The following HELZ2 variants were observed in gnomAD, a reference collection of about 807,000 sequenced individuals.
The protein encoded by HELZ2 is 3'-5' exoribonuclease HELZ2.
HELZ2 carries 143 observed loss-of-function variants against 208.8 expected under a neutral mutation model. The observed-to-expected ratio is 0.68, with a 90% CI of 0.60 to 0.79. HELZ2 has a LOEUF of 0.79. HELZ2 is among the 30% of genes least tolerant of loss of function. The pLI, the probability that HELZ2 is intolerant of heterozygous loss-of-function variation, is 0.00. For synonymous variants in HELZ2, 1,705 were observed against 1,693.7 expected, an observed-to-expected ratio of 1.01 and a Z score of -0.16; for missense variants, 3,690 against 3,794.5, an observed-to-expected ratio of 0.97 and a Z score of 0.72.
chr20:63,565,243 G>A (rs986490515), exon 8 of HELZ2: 8 of 1,607,410 alleles, frequency 5.0e-6, no homozygotes, highest in Non-Finnish European at 5.1e-6. Context: ...TCTTCAGCAC[G>A]CCCAGCACGC....
chr20:63,572,283 G>T, exon 1 of HELZ2: 1 of 1,586,680 alleles, frequency 6.3e-7, no homozygotes, highest in Non-Finnish European at 8.6e-7. Context: ...GCCCCAGGGG[G>T]CTGGCCAAGG....
At chr20:63,559,198 C>G (rs548551478), downstream of HELZ2, 1 of 1,472,608 alleles carries the variant, frequency 6.8e-7, no homozygotes, top group Non-Finnish European at 9.1e-7. Flanking sequence ...TGGGGGGGCC[C>G]TGGACTTTCC....
rs974282059 is a variant in HELZ2 at position 63,568,985 on chromosome 20, C to T, written c.1103G>A (p.Gly368Asp). 12 of 1,602,006 alleles carry T rather than the reference C, an allele frequency of 7.5e-6. No individual in the cohort carries two copies. The African/African-American group carries it at 1.6e-4, about 21-fold the overall frequency. ...CAATGCCGTCTTCAGGAACACCTGG[C>T]CCCGCAGGGTCAGCCTGGCAGGATG... is the stretch of plus-strand genomic sequence containing the variant. Residue 368 changes from glycine (G) to aspartate (D), a missense_variant, in exon 5 of 19, where the codon GGC becomes GAC. Around this residue, in one of 3 missense-constraint regions of HELZ2, gnomAD observed 1,119 missense variants for 1,193.4 expected, o/e 0.94. Coordinates refer to ENST00000467148, the Ensembl canonical transcript of HELZ2.
In HELZ2 at chr20:63,564,613, T is replaced by A. The variant is rs1490033656; in HGVS notation, c.4209A>T (p.Pro1403=). The change falls in exon 8 of 19, where the codon CCA becomes CCT. Residue 1403 remains proline (P), a synonymous_variant. Coordinates refer to ENST00000467148, the Ensembl canonical transcript of HELZ2. ...AGAGGCTGGCCGGCAGCATGGGCAC[T>A]GGCTCCCTGCCGGGGGCATAGAACG... is the stretch of plus-strand genomic sequence containing the variant. 3 of 1,568,676 alleles carry A rather than the reference T, an allele frequency of 1.9e-6. 1 individual carries two copies. In the South Asian group the frequency reaches 3.5e-5, roughly 18 times the overall value.
exon 8 of HELZ2, chr20:63,565,463 T>G: frequency 6.2e-7 from 1 of 1,608,598 alleles, no homozygotes; most frequent in Non-Finnish European, 8.5e-7. Flanking sequence ...GTGCAGCAGC[T>G]TCCGTAGCGC....
At chr20:63,560,438 T>C in intron 16 of HELZ2, 41 bp downstream of exon 17, 1 of 1,599,872 alleles carries the variant, frequency 6.3e-7, no homozygotes, top group Non-Finnish European at 8.5e-7. Context: ...AGCCACCTCC[T>C]CCAGAAAGCC....
At position 63,568,245 on chromosome 20, in the gene HELZ2, T is replaced by C. The variant is rs1013121924; in HGVS notation, c.1730+113A>G. 5.9e-6 allele frequency: 5 copies of C among 841,634 alleles called. No homozygotes were observed. In the African/African-American group the frequency reaches 8.5e-5, roughly 14 times the overall value. 52.1% of individuals were successfully genotyped at this position (841,634 alleles called of 1,614,324 possible). Reference sequence around the variant, plus strand: ...AAGCCAAAGCCCAAAGCTGGTCGGCTACAGGGAGTGCAGAATCAGAGGACT... The same window carrying C: ...AAGCCAAAGCCCAAAGCTGGTCGGCCACAGGGAGTGCAGAATCAGAGGACT... On this transcript the variant is annotated intron_variant, in intron 5 of 18. Coordinates refer to ENST00000467148, the Ensembl canonical transcript of HELZ2.
At chr20:63,570,091 G>A (rs2083002493) in intron 3 of HELZ2, 1 of 392,302 alleles carries the variant, frequency 2.5e-6, no homozygotes, top group Non-Finnish European at 4.9e-6. Flanking sequence ...TGGGATCACA[G>A]GCACCCACCA....
In HELZ2 at chr20:63,566,439, C is replaced by CCTCA; in HGVS notation, c.2525_2528dup (p.Arg843SerfsTer19). The CCTCA allele has an allele frequency of 6.5e-7, 1 of 1,548,430 alleles. No homozygotes were observed. The highest frequency in any genetic ancestry group is 8.7e-7 in the Non-Finnish European group (1 of 1,146,840). On this transcript the variant is annotated frameshift_variant, in exon 7 of 19. Transcript: ENST00000467148. LOFTEE classifies it high-confidence loss of function. Reference sequence around the variant, plus strand: ...CTAGGTCCCGCCTCCTCAGCTCCTGCCTCAGTGCACTGACCTGAAGACGCA... The same window carrying CCTCA: ...CTAGGTCCCGCCTCCTCAGCTCCTGCCTCACTCAGTGCACTGACCTGAAGACGCA...
chr20:63,561,001 G>A (rs1004043630), intron 14 of HELZ2, 72 bp from the exon 16 acceptor site: 171 of 1,596,170 alleles, frequency 1.1e-4, no homozygotes, highest in African/African-American at 1.6e-4. Context: ...CGACACCCGC[G>A]TCTGCACACA....
chr20:63,570,308 G>A, intron 3 of HELZ2, 196 bp downstream of exon 4: 1 of 708,324 alleles, frequency 1.4e-6, no homozygotes, highest in South Asian at 1.5e-5. Context: ...CTGCCAAGGT[G>A]GGACTGTCCT....
rs763183825 is a variant in HELZ2 at position 63,562,690 on chromosome 20, G to A, written c.6132C>T (p.Ala2044=). 3.1e-6 allele frequency: 5 copies of A among 1,599,522 alleles called. No homozygotes were observed. The African/African-American group carries it at 5.3e-5, about 17-fold the overall frequency. ...GGTCCCAGTCCTGCGTCTGCCCGTGGGCCACCCAGGTATACGTGCCGGGGT... is the reference window on the plus strand; with the variant it reads ...GGTCCCAGTCCTGCGTCTGCCCGTGAGCCACCCAGGTATACGTGCCGGGGT... Residue 2044 remains alanine (A), a synonymous_variant, in exon 8 of 19, where the codon GCC becomes GCT. Coordinates refer to ENST00000467148, the Ensembl canonical transcript of HELZ2.
At chr20:63,563,425 G>C (rs1289882988) in exon 8 of HELZ2, 1 of 1,532,138 alleles carries the variant, frequency 6.5e-7, no homozygotes, top group Admixed American at 2.0e-5. Flanking sequence ...GCGCTGAGTA[G>C]ACACGGCGCC....
exon 8 of HELZ2, chr20:63,562,949 A>G: frequency 6.3e-7 from 1 of 1,590,634 alleles, no homozygotes. Flanking sequence ...ATTCTCGGCA[A>G]CCGCGCCGGT....
Position 63,565,499 on chromosome 20 carries a change from C to T in HELZ2, c.3323G>A (p.Arg1108Gln), listed in dbSNP as rs764253870. Residue 1108 changes from arginine to glutamine, a missense_variant, in exon 8 of 19, where the codon CGG (arginine) becomes CAG (glutamine). Around this residue, in one of 3 missense-constraint regions of HELZ2, gnomAD observed 2,564 missense variants for 2,580.5 expected, o/e 0.99. Transcript: ENST00000467148. ...AGCCGGGGGCAGGTTCTCGTACAGC[C>T]GGGCCTGCTGCAGGGACTCGGGCCT... 1.2e-5 allele frequency: 19 copies of T among 1,606,504 alleles called. No individual in the cohort carries two copies. The highest frequency in any genetic ancestry group is 9.3e-5 in the African/African-American group (7 of 74,916).
At chr20:63,570,045 T>G in intron 3 of HELZ2, 1 of 423,504 alleles carries the variant, frequency 2.4e-6, no homozygotes, top group Non-Finnish European at 4.4e-6. Context: ...GCCTCCTGGG[T>G]TCAAGTGATT....
exon 6 of HELZ2, chr20:63,567,198 G>A (rs781290017): frequency 6.2e-7 from 1 of 1,608,094 alleles, no homozygotes; most frequent in Non-Finnish European, 8.5e-7. Flanking sequence ...AGCACAGGAA[G>A]AGGCGGTGCA....
chr20:63,560,854 G>C, exon 15 of HELZ2: 1 of 1,613,266 alleles, frequency 6.2e-7, no homozygotes, highest in Non-Finnish European at 8.5e-7. Flanking sequence ...AACAGAGACC[G>C]GTCCAGACCC....
intron 5 of HELZ2, 75 bp from the exon 7 acceptor site, chr20:63,567,702 C>A (rs1335577770): frequency 1.5e-5 from 22 of 1,508,294 alleles, no homozygotes; most frequent in Non-Finnish European, 1.9e-5. Context: ...CTACTGTGTG[C>A]CCAGCCGAGC....
Sources: gnomAD v4.1 joint callset for allele counts on GRCh38, gnomAD v4.1.1 for gene constraint, gnomAD v4.1.1 regional missense constraint, MANE v1.5 for transcripts, NCBI Gene and HGNC (gene_info 2026-07-23, HGNC 2026-07-21) for gene names.